CDK14: variants seen among roughly 807,000 people sequenced by gnomAD.
The protein encoded by CDK14 is cyclin dependent kinase 14.
In CDK14, 34 loss-of-function variants were observed where a neutral mutation model predicts 60.7. The observed-to-expected ratio is 0.56, with a 90% CI of 0.43 to 0.75. CDK14 has a LOEUF of 0.75. CDK14 is among the 30% of genes least tolerant of loss of function. The pLI is 0.00. For missense variants in CDK14, 482 were observed against 564.1 expected (o/e 0.85, Z 1.47); for synonymous variants, 197 against 203.7 (o/e 0.97, Z 0.28).
intron 5 of CDK14, among the ~76,000 whole-genome samples, chr7:90,809,916 C>T (rs796887669): frequency 1.3e-5 from 2 of 152,084 alleles, no homozygotes; most frequent in Non-Finnish European, 2.9e-5. Flanking sequence ...CAAGACTAAA[C>T]CAGGAAGAAG....
At chr7:90,900,349 C>T (rs1792465699) in intron 7 of CDK14, among the ~76,000 whole-genome samples, 1 of 151,896 alleles carries the variant, frequency 6.6e-6, no homozygotes, top group South Asian at 2.1e-4. Flanking sequence ...ATTGCCTTTC[C>T]TTAAAGTTTT....
chr7:91,159,337 G>A (rs918750192), intron 14 of CDK14, among the ~76,000 whole-genome samples: 1 of 152,198 alleles, frequency 6.6e-6, no homozygotes, highest in Admixed American at 6.5e-5. Flanking sequence ...AAGAGACTCA[G>A]CATGGTCATG....
intron 5 of CDK14, among the ~76,000 whole-genome samples, chr7:90,849,214 C>T (rs546143682): frequency 6.6e-6 from 1 of 150,442 alleles, no homozygotes; most frequent in East Asian, 1.9e-4. Context: ...TGATACCTCC[C>T]CAAATCCTCT....
intron 10 of CDK14, among the ~76,000 whole-genome samples, chr7:91,032,163 G>A (rs1013278846): frequency 2.0e-5 from 3 of 152,186 alleles, no homozygotes; most frequent in Non-Finnish European, 2.9e-5. Flanking sequence ...GTCCTATTTC[G>A]TTGGGTTGAT....
At chr7:91,187,634 G>T (rs1360637308) in intron 14 of CDK14, among the ~76,000 whole-genome samples, 1 of 152,140 alleles carries the variant, frequency 6.6e-6, no homozygotes, top group Non-Finnish European at 1.5e-5. Flanking sequence ...AGGAGTGGAG[G>T]TTTAATAGGC....
Position 90,991,300 on chromosome 7 carries a change from C to T in CDK14, c.1041+7059C>T, listed in dbSNP as rs746007444. ...TGCATGGGAATCAAGGAGCCATTCA[C>T]CCAAAAGAGACAATCTTGGTTCCCA... is the stretch of plus-strand genomic sequence containing the variant. On this transcript the variant is annotated intron_variant, in intron 10 of 14. Coordinates refer to ENST00000380050, the MANE Select transcript of CDK14 (RefSeq NM_001287135.2). Among the ~76,000 whole-genome samples the T allele has an allele frequency of 5.0e-4, 76 of 152,136 alleles. No homozygotes were observed. The Middle Eastern group carries it at 0.014, about 27-fold the overall frequency.
intron 1 of CDK14, 63 bp downstream of exon 1, chr7:90,596,781 C>G: frequency 7.3e-7 from 1 of 1,373,262 alleles, no homozygotes; most frequent in Non-Finnish European, 1.0e-6. Flanking sequence ...GCCCCCGCCG[C>G]GTTCCTGGCA....
In CDK14 at chr7:90,635,761, C is replaced by CA; in HGVS notation, c.123+31513dup. 3.9e-5 allele frequency among the ~76,000 whole-genome samples: 6 copies of CA among 152,192 alleles called. 1 individual carries two copies. Among genetic ancestry groups the CA allele is most frequent in the Admixed American group, 3.9e-4 (6 of 15,286 alleles). Reference sequence around the variant, plus strand: ...TTTCACGATATTGATTCTTCCTATCCATGAGCATGGAATATTCTTCCATTT... The same window carrying CA: ...TTTCACGATATTGATTCTTCCTATCCAATGAGCATGGAATATTCTTCCATTT... On this transcript the variant is annotated intron_variant, in intron 2 of 14. Coordinates refer to ENST00000380050, the MANE Select transcript of CDK14 (RefSeq NM_001287135.2).
chr7:90,948,238 A>G (rs764205967), intron 8 of CDK14, among the ~76,000 whole-genome samples: 6 of 152,218 alleles, frequency 3.9e-5, no homozygotes, highest in Admixed American at 6.5e-5. Context: ...TAGCATTGGA[A>G]TAATAACCAC....
chr7:90,785,782 G>A (rs1406556971), intron 4 of CDK14, among the ~76,000 whole-genome samples: 5 of 74,516 alleles, frequency 6.7e-5, no homozygotes, highest in African/African-American at 1.8e-4. Flanking sequence ...GTGAGACTCC[G>A]TCTCAAAAAA....
intron 9 of CDK14, among the ~76,000 whole-genome samples, chr7:90,976,957 T>G: frequency 6.6e-6 from 1 of 152,144 alleles, no homozygotes; most frequent in Non-Finnish European, 1.5e-5. Flanking sequence ...TTTGATATAA[T>G]CCCATTTGTT....
chr7:90,807,778 A>T (rs1169342923), intron 5 of CDK14, among the ~76,000 whole-genome samples: 1 of 152,230 alleles, frequency 6.6e-6, no homozygotes, highest in East Asian at 1.9e-4. Flanking sequence ...AAAGGACCTG[A>T]TGGAGCTGAA....
intron 2 of CDK14, among the ~76,000 whole-genome samples, chr7:90,717,960 C>T (rs1802312583): frequency 1.3e-5 from 2 of 151,860 alleles, no homozygotes; most frequent in African/African-American, 2.4e-5. Flanking sequence ...ATAAACCAAA[C>T]ACTTGAAAAC....
At position 90,918,713 on chromosome 7, in the gene CDK14, G is replaced by A. The variant is rs570606698; in HGVS notation, c.826+989G>A. 6.6e-5 allele frequency among the ~76,000 whole-genome samples: 10 copies of A among 152,286 alleles called. No homozygotes were observed. The East Asian group carries it at 1.9e-3, about 29-fold the overall frequency. On this transcript the variant is annotated intron_variant, in intron 8 of 14. Coordinates refer to ENST00000380050, the MANE Select transcript of CDK14 (RefSeq NM_001287135.2). ...ATAAAGATGCCTGAGGTTGAGATGG[G>A]CTTTTGCTGAAATATGATTATCTTT...
At chr7:90,704,882 A>G (rs935342088) in intron 2 of CDK14, among the ~76,000 whole-genome samples, 1 of 152,158 alleles carries the variant, frequency 6.6e-6, no homozygotes, top group Admixed American at 6.6e-5. Context: ...AGTGAGTGAC[A>G]TCAGAAGAGA....
At chr7:90,750,549 C>G (rs1341896524) in intron 4 of CDK14, among the ~76,000 whole-genome samples, 4 of 152,194 alleles carry the variant, frequency 2.6e-5, no homozygotes, top group Non-Finnish European at 5.9e-5. Context: ...GTCAGCGTTT[C>G]TAGAATTGAA....
intron 2 of CDK14, among the ~76,000 whole-genome samples, chr7:90,608,348 A>G (rs1047543737): frequency 8.5e-5 from 13 of 152,236 alleles, no homozygotes; most frequent in African/African-American, 2.9e-4. Context: ...ATGTCCACCA[A>G]TGTAAAATTA....
chr7:90,799,265 GC>G (rs1788543158), intron 5 of CDK14, among the ~76,000 whole-genome samples: 1 of 152,186 alleles, frequency 6.6e-6, no homozygotes, highest in South Asian at 2.1e-4. Flanking sequence ...CACAGCCAGA[GC>G]CTAGTCTCAC....
chr7:91,152,128 C>T (rs992018624), intron 14 of CDK14, among the ~76,000 whole-genome samples: 2 of 152,156 alleles, frequency 1.3e-5, no homozygotes, highest in African/African-American at 4.8e-5. Context: ...CCACATAGAC[C>T]GCTTATTCAT....
Sources: gnomAD v4.1 joint callset for allele counts (sites outside exome capture counted in the v4.1 genomes callset) on GRCh38, gnomAD v4.1.1 for gene constraint, MANE v1.5 for transcripts, NCBI Gene and HGNC (gene_info 2026-07-23, HGNC 2026-07-21) for gene names.